The following ABCC1 variants were observed in gnomAD, a reference collection of about 807,000 sequenced individuals.
The protein encoded by ABCC1 is ATP binding cassette subfamily C member 1 (ABCC1 blood group).
ABCC1 carries 83 observed loss-of-function variants against 172.9 expected under a neutral mutation model. The observed-to-expected ratio is 0.48, with a 90% CI of 0.40 to 0.58. ABCC1 has a LOEUF of 0.58. Among genes scored for constraint, ABCC1 ranks in the 20% least tolerant of loss-of-function variants. ABCC1 has a pLI of 0.00. For missense variants in ABCC1, 1,817 were observed against 2,002.7 expected (o/e 0.91, Z 1.77); for synonymous variants, 937 against 825.2 (o/e 1.14, Z -2.32).
At chr16:16,025,059 C>T (rs1019124509) in intron 5 of ABCC1, among the ~76,000 whole-genome samples, 1 of 152,076 alleles carries the variant, frequency 6.6e-6, no homozygotes, top group Non-Finnish European at 1.5e-5. Context: ...GGCAAAGATT[C>T]TGGGGTGTGC....
chr16:15,964,424 A>G (rs1168388469), intron 1 of ABCC1, among the ~76,000 whole-genome samples: 2 of 152,030 alleles, frequency 1.3e-5, no homozygotes, highest in African/African-American at 2.4e-5. Flanking sequence ...GCATGGGGGA[A>G]CCGTCCCCAT....
intron 29 of ABCC1, among the ~76,000 whole-genome samples, chr16:16,138,123 C>T (rs958374926): frequency 2.0e-5 from 3 of 152,128 alleles, no homozygotes; most frequent in Admixed American, 6.6e-5. Flanking sequence ...TCCCAAAGTG[C>T]TCAGATTGTA....
intron 2 of ABCC1, among the ~76,000 whole-genome samples, chr16:16,008,444 G>A (rs1397863782): frequency 2.6e-5 from 4 of 151,844 alleles, no homozygotes; most frequent in Non-Finnish European, 5.9e-5. Flanking sequence ...GCCTCAAGCA[G>A]TCCTCCTGCC....
chr16:16,047,901 C>T (rs1411986110), intron 9 of ABCC1, among the ~76,000 whole-genome samples: 6 of 151,364 alleles, frequency 4.0e-5, no homozygotes, highest in African/African-American at 9.7e-5. Flanking sequence ...GTTTCGAGGA[C>T]ACCTAGGGTC....
intron 5 of ABCC1, among the ~76,000 whole-genome samples, chr16:16,024,989 ACC>A (rs1333206238): frequency 1.3e-5 from 2 of 151,960 alleles, no homozygotes; most frequent in African/African-American, 4.8e-5. Context: ...ACATAGTGAG[ACC>A]CCATCTCTTG....
chr16:15,983,545 C>T (rs1357555478), intron 1 of ABCC1, among the ~76,000 whole-genome samples: 1 of 130,374 alleles, frequency 7.7e-6, no homozygotes, highest in Non-Finnish European at 1.6e-5. Flanking sequence ...TCTAATGGTA[C>T]ACCACACTTT....
At chr16:15,990,150 G>A (rs1384725434) in intron 1 of ABCC1, among the ~76,000 whole-genome samples, 1 of 152,118 alleles carries the variant, frequency 6.6e-6, no homozygotes, top group African/African-American at 2.4e-5. Context: ...TGTCTTTCAG[G>A]TTCAAGTGAT....
At chr16:15,974,527 G>A (rs1221026079) in intron 1 of ABCC1, among the ~76,000 whole-genome samples, 1 of 152,124 alleles carries the variant, frequency 6.6e-6, no homozygotes. Flanking sequence ...TGGAAACTTA[G>A]AAAAAAGCCT....
chr16:16,014,141 C>T (rs890032678), intron 3 of ABCC1, among the ~76,000 whole-genome samples: 2 of 152,090 alleles, frequency 1.3e-5, no homozygotes, highest in Non-Finnish European at 2.9e-5. Flanking sequence ...ATATTTATTA[C>T]GTGGTCCATT....
chr16:16,055,954 G>GA (rs4148345), intron 11 of ABCC1, 138 bp from the exon 12 acceptor site: 89,757 of 627,812 alleles, frequency 0.14, 4,317 homozygotes, highest in African/African-American at 0.37. Flanking sequence ...CTATTGAAAA[G>GA]AAAAAAAAAA....
intron 1 of ABCC1, among the ~76,000 whole-genome samples, chr16:15,967,644 C>G (rs1316788475): frequency 1.3e-5 from 2 of 149,862 alleles, no homozygotes; most frequent in Non-Finnish European, 3.0e-5. Flanking sequence ...GCCTGTAGTC[C>G]CAGCTACTCA....
chr16:16,065,428 T>C (rs942292586), intron 12 of ABCC1, among the ~76,000 whole-genome samples: 1 of 151,998 alleles, frequency 6.6e-6, no homozygotes, highest in African/African-American at 2.4e-5. Context: ...GCTTGACTTA[T>C]TTATTAATAT....
At chr16:16,124,349 G>GTGTGTGT (rs1567432159) in intron 24 of ABCC1, among the ~76,000 whole-genome samples, 11 of 112,958 alleles carry the variant, frequency 9.7e-5, no homozygotes, top group Non-Finnish European at 1.1e-4. Flanking sequence ...GTGTGTGTGT[G>GTGTGTGT]ATTATAGGAG....
chr16:16,045,587 C>G (rs539643580), intron 8 of ABCC1, among the ~76,000 whole-genome samples: 1 of 152,098 alleles, frequency 6.6e-6, no homozygotes, highest in African/African-American at 2.4e-5. Context: ...CTTTGGGTGA[C>G]TTGCTGGTGA....
In ABCC1 at chr16:16,139,047, A is replaced by G. The variant is rs572409492; in HGVS notation, c.4487+489A>G. Among the ~76,000 whole-genome samples, 261 of 152,276 alleles carry G rather than the reference A, an allele frequency of 1.7e-3. 8 individuals are homozygous for G. The highest frequency in any genetic ancestry group is 0.017 in the Admixed American group (254 of 15,284). On this transcript the variant is annotated intron_variant, in intron 30 of 30. Coordinates refer to ENST00000399410, the MANE Select transcript of ABCC1 (RefSeq NM_004996.4). ...TCTAATATCATCTAGTCATTCATTC[A>G]CGTCAGCGCACCTGCGGTGTTCCCA...
intron 12 of ABCC1, among the ~76,000 whole-genome samples, chr16:16,062,852 G>T (rs1837938452): frequency 6.6e-6 from 1 of 152,150 alleles, no homozygotes; most frequent in Non-Finnish European, 1.5e-5. Context: ...TTTCTGGAAT[G>T]GCAAACCTGG....
Position 16,102,637 on chromosome 16 carries a change from C to T in ABCC1, c.2655C>T (p.Gly885=), listed in dbSNP as rs2230672. 2,343 of 1,582,094 alleles carry T rather than the reference C, an allele frequency of 1.5e-3. 39 individuals are homozygous for T. In the African/African-American group the frequency reaches 0.027, roughly 18 times the overall value. Residue 885 remains glycine (G), a synonymous_variant, in exon 20 of 31, where the codon GGC becomes GGT. Coordinates refer to ENST00000399410, the MANE Select transcript of ABCC1 (RefSeq NM_004996.4). ...EQDAEENGVT[G]VSGPGKEAKQ... Reference sequence around the variant, plus strand: ...TCTCTCTTCTGCCAGGGGTCACGGGCGTCAGCGGTCCAGGGAAGGAAGCAA... The same window carrying T: ...TCTCTCTTCTGCCAGGGGTCACGGGTGTCAGCGGTCCAGGGAAGGAAGCAA...
At chr16:16,093,747 T>G (rs2051347475) in intron 19 of ABCC1, among the ~76,000 whole-genome samples, 1 of 152,138 alleles carries the variant, frequency 6.6e-6, no homozygotes, top group Admixed American at 6.5e-5. Flanking sequence ...TAAACCACAT[T>G]TTTGGCTCTT....
intron 12 of ABCC1, among the ~76,000 whole-genome samples, chr16:16,063,999 G>A (rs777029622): frequency 2.0e-5 from 3 of 152,130 alleles, no homozygotes; most frequent in Non-Finnish European, 2.9e-5. Context: ...GTTCATCTGT[G>A]GCTGAAGCTC....
Sources: allele counts gnomAD v4.1 joint callset (sites outside exome capture counted in the v4.1 genomes callset), GRCh38; gene constraint gnomAD v4.1.1; transcripts MANE v1.5; gene names NCBI Gene and HGNC (gene_info 2026-07-23, HGNC 2026-07-21).